Variants in GABRA1 observed in about 807,000 individuals in gnomAD.
The protein encoded by GABRA1 is gamma-aminobutyric acid receptor subunit alpha-1.
Under a neutral mutation model 48.9 loss-of-function variants are expected in GABRA1, and 9 were observed. The ratio of observed to expected loss-of-function variants is 0.18; its 90% CI spans 0.11 to 0.32. GABRA1 has a LOEUF of 0.32. Among genes scored for constraint, GABRA1 ranks in the 10% least tolerant of loss-of-function variants. The pLI, the probability that GABRA1 is intolerant of heterozygous loss-of-function variation, is 1.00. For synonymous variants in GABRA1, 210 were observed against 198.7 expected, an observed-to-expected ratio of 1.06 and a Z score of -0.48; for missense variants, 285 against 553.8, an observed-to-expected ratio of 0.51 and a Z score of 4.87.
rs1255314224 is a variant in GABRA1, at chr5:161,865,716, A to C, written c.188-5A>C. The C allele has an allele frequency of 4.3e-6, 7 of 1,612,666 alleles. No homozygotes were observed. The South Asian group carries it at 7.7e-5, about 18-fold the overall frequency. On this transcript the variant is annotated splice_region_variant and splice_polypyrimidine_tract_variant and intron_variant, in intron 3 of 9. Transcript: ENST00000393943. Reference sequence around the variant, plus strand: ...ACTCACTCGCCCAATTTCCTGCTTCAACAGAGCGTGTAACCGAAGTGAAGA... The same window carrying C: ...ACTCACTCGCCCAATTTCCTGCTTCCACAGAGCGTGTAACCGAAGTGAAGA...
At chr5:161,867,012 A>T (rs1349230768) in intron 4 of GABRA1, among the ~76,000 whole-genome samples, 1 of 152,154 alleles carries the variant, frequency 6.6e-6, no homozygotes, top group Non-Finnish European at 1.5e-5. Context: ...CAGTTTCTTC[A>T]TGTATAAGGT....
chr5:161,889,779 C>T (rs747490384), intron 7 of GABRA1, among the ~76,000 whole-genome samples: 25 of 152,038 alleles, frequency 1.6e-4, no homozygotes, highest in Non-Finnish European at 3.1e-4. Context: ...TCCAGGAATG[C>T]TGCTAAACAT....
chr5:161,870,631 C>CAGAAAGAA (rs151163857), intron 4 of GABRA1, among the ~76,000 whole-genome samples: 1 of 147,734 alleles, frequency 6.8e-6, no homozygotes, highest in South Asian at 2.2e-4. Context: ...GACAGACAGA[C>CAGAAAGAA]AGAAAGAAAG....
intron 7 of GABRA1, 107 bp downstream of exon 7, chr5:161,882,808 A>C: frequency 5.2e-6 from 6 of 1,144,666 alleles, no homozygotes; most frequent in Non-Finnish European, 6.5e-6. Flanking sequence ...AGAACATTTC[A>C]CTAAATTGGG....
intron 7 of GABRA1, among the ~76,000 whole-genome samples, chr5:161,886,393 G>T (rs1425645092): frequency 6.6e-6 from 1 of 151,422 alleles, no homozygotes; most frequent in Non-Finnish European, 1.5e-5. Context: ...ATTGTGAGAT[G>T]GAAATAAGAA....
Position 161,897,447 on chromosome 5 carries a change from C to T in GABRA1, c.*25C>T, listed in dbSNP as rs1755422125. On this transcript the variant is annotated 3_prime_UTR_variant, in exon 10 of 10. Transcript: ENST00000393943. ...GATCTTTTACTCACATTCTGTTGTT[C>T]AGTCCTCTGCACTGGGAATTTATTT... 1.9e-6 allele frequency: 3 copies of T among 1,582,004 alleles called. No individual in the cohort carries two copies. In the African/African-American group the frequency reaches 4.0e-5, roughly 21 times the overall value.
intron 6 of GABRA1, among the ~76,000 whole-genome samples, chr5:161,878,447 G>A (rs981692625): frequency 6.6e-6 from 1 of 152,256 alleles, no homozygotes; most frequent in East Asian, 1.9e-4. Context: ...CTCATTTTTC[G>A]AAGTAAACAC....
rs11406299 is a variant in GABRA1, at chr5:161,887,924, C to CA, written c.704-2971dup. The stretch of plus-strand genomic sequence containing the variant: ...ATTGGACAAATCGGGAAACTGTAGC[C>CA]AAATGAACCTATGCAAGGTATTTAC... On this transcript the variant is annotated intron_variant, in intron 7 of 9. Transcript: ENST00000393943. 8.1e-3 allele frequency among the ~76,000 whole-genome samples: 1,227 copies of CA among 152,138 alleles called. 16 individuals are homozygous for CA. The highest frequency in any genetic ancestry group is 0.028 in the African/African-American group (1,155 of 41,540).
At chr5:161,889,035 A>T (rs1754973364) in intron 7 of GABRA1, among the ~76,000 whole-genome samples, 1 of 152,078 alleles carries the variant, frequency 6.6e-6, no homozygotes, top group Non-Finnish European at 1.5e-5. Flanking sequence ...TAGTTAAATA[A>T]CTAAAATGCA....
At position 161,894,706 on chromosome 5, in the gene GABRA1, C is replaced by T. The variant is rs149093680; in HGVS notation, c.857-960C>T. Among the ~76,000 whole-genome samples the T allele has an allele frequency of 4.1e-3, 592 of 144,910 alleles. 4 individuals are homozygous for T. Among genetic ancestry groups the T allele is most frequent in the African/African-American group, 0.015 (559 of 36,652 alleles). ...TTAAAGGGAACCTGACAGCATTATA[C>T]TTTTGTACTGAGTATAGTGCATTAC... On this transcript the variant is annotated intron_variant, in intron 8 of 9. Transcript: ENST00000393943.
intron 4 of GABRA1, among the ~76,000 whole-genome samples, chr5:161,866,873 A>T (rs1228333977): frequency 6.6e-6 from 1 of 152,094 alleles, no homozygotes; most frequent in African/African-American, 2.4e-5. Context: ...AAATATGTGG[A>T]GTATATAAGA....
intron 3 of GABRA1, 57 bp downstream of exon 3, chr5:161,854,327 C>A: frequency 1.1e-6 from 1 of 900,990 alleles, no homozygotes; most frequent in South Asian, 1.3e-5. Context: ...TTTACTATCA[C>A]AGCCTTAATT....
At position 161,895,694 on chromosome 5, in the gene GABRA1, A is replaced by G; in HGVS notation, c.885A>G (p.Thr295=). 2 of 1,613,760 alleles carry G rather than the reference A, an allele frequency of 1.2e-6. No homozygotes were observed. The highest frequency in any genetic ancestry group is 1.7e-6 in the Non-Finnish European group (2 of 1,179,890). Reference sequence around the variant, plus strand: ...TAACAACTGTGCTCACCATGACAACATTGAGCATCAGTGCCAGAAACTCCC... The same window carrying G: ...TAACAACTGTGCTCACCATGACAACGTTGAGCATCAGTGCCAGAAACTCCC... The part of the protein sequence containing the change: ...FGVTTVLTMT[T]LSISARNSLP... The change falls in exon 9 of 10, where the codon ACA becomes ACG. Residue 295 remains threonine, a synonymous_variant. Transcript: ENST00000393943.
chr5:161,897,113 A>G lies in GABRA1; in HGVS notation c.1062A>G (p.Pro354=), dbSNP rs1755401948. The change falls in exon 10 of 10, where the codon CCA becomes CCG. Residue 354 remains proline, a splice_region_variant and synonymous_variant. Coordinates refer to ENST00000393943, the MANE Select transcript of GABRA1 (RefSeq NM_001127644.2). ...WDGKSVVPEK[P]KKVKDPLIKK... is the part of the protein sequence containing the mutation. ...TGCATTGCTCTTTCTTTCTACAGCC[A>G]AAGAAAGTAAAGGATCCTCTTATTA... 1 of 1,613,910 alleles carries G rather than the reference A, an allele frequency of 6.2e-7. No individual in the cohort carries two copies. Among genetic ancestry groups the G allele is most frequent in the Non-Finnish European group, 8.5e-7 (1 of 1,179,814 alleles).
chr5:161,881,298 G>A (rs1006930038), intron 6 of GABRA1, among the ~76,000 whole-genome samples: 1 of 152,144 alleles, frequency 6.6e-6, no homozygotes, highest in East Asian at 1.9e-4. Flanking sequence ...AAGAGAGTAC[G>A]TACTATCATT....
chr5:161,857,986 G>GT (rs957987075), intron 3 of GABRA1, among the ~76,000 whole-genome samples: 6 of 135,696 alleles, frequency 4.4e-5, no homozygotes, highest in African/African-American at 1.3e-4. Flanking sequence ...AAAGAAAAAA[G>GT]TTAAAAAAAA....
intron 1 of GABRA1, among the ~76,000 whole-genome samples, chr5:161,849,358 A>G (rs935973104): frequency 2.0e-5 from 3 of 152,192 alleles, no homozygotes; most frequent in Non-Finnish European, 2.9e-5. Context: ...TAAAAGGGTA[A>G]ATTAAAATTT....
At chr5:161,854,451 T>C (rs1391669633) in intron 3 of GABRA1, among the ~76,000 whole-genome samples, 181 bp downstream of exon 3, 1 of 151,738 alleles carries the variant, frequency 6.6e-6, no homozygotes, top group African/African-American at 2.4e-5. Context: ...TATCCATACG[T>C]AGTAAAAGGC....
At chr5:161,862,667 T>C (rs1482684331) in intron 3 of GABRA1, among the ~76,000 whole-genome samples, 1 of 151,970 alleles carries the variant, frequency 6.6e-6, no homozygotes, top group Non-Finnish European at 1.5e-5. Context: ...ATTTACAGTT[T>C]TACTCATCAT....
Sources: gnomAD v4.1 joint callset for allele counts (sites outside exome capture counted in the v4.1 genomes callset) on GRCh38, gnomAD v4.1.1 for gene constraint, MANE v1.5 for transcripts, NCBI Gene and HGNC (gene_info 2026-07-23, HGNC 2026-07-21) for gene names.